The following GRIA3 variants were observed in gnomAD, a reference collection of about 807,000 sequenced individuals.
The protein encoded by GRIA3 is glutamate ionotropic receptor AMPA type subunit 3, also known as glutamate receptor 3.
GRIA3 carries 3 observed loss-of-function variants against 63.0 expected under a neutral mutation model. That is an observed-to-expected ratio of 0.05 (90% CI 0.02 to 0.12). The LOEUF is 0.12. Ranked by LOEUF, GRIA3 falls within the 10% of genes least tolerant of loss-of-function variation. The pLI is 1.00. For synonymous variants in GRIA3, 274 were observed against 257.9 expected (o/e 1.06, Z -0.60); for missense variants, 347 against 700.9 (o/e 0.50, Z 5.70).
At chrX:123,190,250 C>T (rs1387202455) in intron 2 of GRIA3, among the ~76,000 whole-genome samples, 1 of 110,661 alleles carries the variant, frequency 9.0e-6, no homozygotes, top group Non-Finnish European at 1.9e-5. Context: ...CACTCCCCCT[C>T]TTCCCTGCCT....
At chrX:123,467,739 C>T (rs748742652) in intron 13 of GRIA3, among the ~76,000 whole-genome samples, 282 of 111,891 alleles carry the variant, frequency 2.5e-3, no homozygotes, top group Non-Finnish European at 4.4e-3. Flanking sequence ...GATAACCAGA[C>T]GTTTGATGTT....
At chrX:123,296,095 A>G (rs2044683932) in intron 3 of GRIA3, among the ~76,000 whole-genome samples, 1 of 111,536 alleles carries the variant, frequency 9.0e-6, no homozygotes, top group South Asian at 3.7e-4. Context: ...GACTGTTTAT[A>G]CCACTTTTAC....
In GRIA3 at chrX:123,302,226, T is replaced by C. The variant is rs7876832; in HGVS notation, c.509-23800T>C. Among the ~76,000 whole-genome samples, 363 of 112,119 alleles carry C rather than the reference T, an allele frequency of 3.2e-3. 3 individuals are homozygous for C. Among genetic ancestry groups the C allele is most frequent in the African/African-American group, 0.011 (343 of 30,956 alleles). Reference sequence around the variant, plus strand: ...TTGGTTCTTTCTAAATTCTGGGTCTTATTCAGATGAGATTAATTCTGTGTC... The same window carrying C: ...TTGGTTCTTTCTAAATTCTGGGTCTCATTCAGATGAGATTAATTCTGTGTC... On this transcript the variant is annotated intron_variant, in intron 3 of 15. Coordinates refer to ENST00000620443, the MANE Select transcript of GRIA3 (RefSeq NM_007325.5).
chrX:123,317,559 G>A (rs1350687460), intron 3 of GRIA3, among the ~76,000 whole-genome samples: 2 of 111,930 alleles, frequency 1.8e-5, no homozygotes, highest in Non-Finnish European at 3.8e-5. Context: ...CAGGGCCCAT[G>A]TAAGTCCAAA....
chrX:123,474,960 T>A (rs2045880462), intron 13 of GRIA3, among the ~76,000 whole-genome samples: 1 of 111,493 alleles, frequency 9.0e-6, no homozygotes, highest in African/African-American at 3.3e-5. Context: ...GAAATTTTTA[T>A]AATCCAATAA....
chrX:123,373,265 T>C (rs763444101), intron 5 of GRIA3, among the ~76,000 whole-genome samples: 4 of 111,780 alleles, frequency 3.6e-5, no homozygotes, highest in African/African-American at 6.5e-5. Context: ...CAGTCTATCA[T>C]TGATGGACAT....
chrX:123,240,929 G>A (rs1456532941), intron 2 of GRIA3, among the ~76,000 whole-genome samples: 2 of 111,779 alleles, frequency 1.8e-5, no homozygotes, highest in Non-Finnish European at 3.8e-5. Flanking sequence ...CCAAGATTTA[G>A]GCCTGTGAAT....
chrX:123,289,840 A>C (rs1036995652), intron 3 of GRIA3, among the ~76,000 whole-genome samples: 4 of 110,800 alleles, frequency 3.6e-5, no homozygotes, highest in African/African-American at 1.3e-4. Flanking sequence ...TACCCACCCT[A>C]GTCCCTGCCA....
At chrX:123,376,408 A>G (rs1463100567) in intron 5 of GRIA3, among the ~76,000 whole-genome samples, 1 of 112,163 alleles carries the variant, frequency 8.9e-6, no homozygotes, top group African/African-American at 3.2e-5. Flanking sequence ...CATCCTGGGT[A>G]TTTGGTAGGA....
rs892862354 is a variant in GRIA3, at chrX:123,488,753, G to A, written c.*43G>A. On this transcript the variant is annotated 3_prime_UTR_variant, in exon 16 of 16. Transcript: ENST00000620443. ...AGGCATGTGATGAGAGGAAATCACCGAAAACGTGGCTGCTTCAAGGATCCT... is the reference window on the plus strand; with the variant it reads ...AGGCATGTGATGAGAGGAAATCACCAAAAACGTGGCTGCTTCAAGGATCCT... 2.7e-5 allele frequency: 3 copies of A among 111,112 alleles called. No individual in the cohort carries two copies. Among genetic ancestry groups the A allele is most frequent in the Non-Finnish European group, 5.7e-5 (3 of 52,962 alleles). The allele number at this position is 111,112 out of a possible 1,213,427, so 9.2% of individuals were successfully genotyped here. A position where few individuals can be genotyped will look rare whatever the true frequency, so the allele number is the denominator to read the frequency against.
At chrX:123,219,915 C>T (rs927204282) in intron 2 of GRIA3, among the ~76,000 whole-genome samples, 11 of 112,614 alleles carry the variant, frequency 9.8e-5, no homozygotes, top group African/African-American at 3.6e-4. Flanking sequence ...TCAGTTCACT[C>T]TGCCCCATGC....
intron 8 of GRIA3, 115 bp downstream of exon 8, chrX:123,403,213 T>A: frequency 1.7e-6 from 1 of 597,287 alleles, no homozygotes; most frequent in Non-Finnish European, 2.9e-6. Flanking sequence ...GAGTGGGAGA[T>A]GGGAACCTCC....
intron 2 of GRIA3, among the ~76,000 whole-genome samples, chrX:123,195,787 G>A (rs557353622): frequency 2.7e-5 from 3 of 111,894 alleles, no homozygotes; most frequent in Middle Eastern, 9.2e-3. Context: ...GAGAACAGCA[G>A]AGAGAAAAGC....
chrX:123,283,646 C>A (rs948229720), intron 3 of GRIA3, among the ~76,000 whole-genome samples: 1 of 111,938 alleles, frequency 8.9e-6, no homozygotes, highest in Admixed American at 9.4e-5. Flanking sequence ...TCAAACTCGG[C>A]AGAGCCCACT....
chrX:123,422,633 C>A (rs1293105848), intron 11 of GRIA3, among the ~76,000 whole-genome samples: 1 of 111,863 alleles, frequency 8.9e-6, no homozygotes, highest in Non-Finnish European at 1.9e-5. Flanking sequence ...TAACCTGGGG[C>A]AAATCACTAA....
chrX:123,277,864 A>G (rs1043650782), intron 3 of GRIA3, among the ~76,000 whole-genome samples: 2 of 111,837 alleles, frequency 1.8e-5, no homozygotes, highest in Admixed American at 1.9e-4. Context: ...AAATGAGATA[A>G]TGATGTGGGG....
chrX:123,205,080 G>A (rs753657447), intron 2 of GRIA3, among the ~76,000 whole-genome samples: 4 of 111,621 alleles, frequency 3.6e-5, no homozygotes, highest in Non-Finnish European at 5.6e-5. Context: ...TGGGAGCATC[G>A]GGTAGAAAAT....
intron 5 of GRIA3, among the ~76,000 whole-genome samples, chrX:123,362,237 C>A: frequency 9.0e-6 from 1 of 111,613 alleles, no homozygotes; most frequent in South Asian, 3.8e-4. Context: ...ATTGTTCAGA[C>A]CAGACTTGCA....
intron 12 of GRIA3, among the ~76,000 whole-genome samples, chrX:123,434,378 C>G (rs933814753): frequency 5.4e-5 from 6 of 111,604 alleles, no homozygotes; most frequent in African/African-American, 2.0e-4. Context: ...TTTGAAGACA[C>G]ATATAATGTG....
Sources: allele counts gnomAD v4.1 joint callset (sites outside exome capture counted in the v4.1 genomes callset), GRCh38; gene constraint gnomAD v4.1.1; transcripts MANE v1.5; gene names NCBI Gene and HGNC (gene_info 2026-07-23, HGNC 2026-07-21).